CYSLTR2: variants seen among roughly 807,000 people sequenced by gnomAD.
CYSLTR2 encodes cysteinyl leukotriene receptor 2.
For missense variants in CYSLTR2, 398 were observed against 411.9 expected (o/e 0.97, Z 0.29); for synonymous variants, 179 against 160.8 (o/e 1.11, Z -0.86).
chr13:48,703,981 G>C (rs1341960718), intron 4 of CYSLTR2, among the ~76,000 whole-genome samples: 1 of 152,078 alleles, frequency 6.6e-6, no homozygotes, highest in Non-Finnish European at 1.5e-5. Flanking sequence ...AATTAGTCTA[G>C]TTCCTCTAAG....
chr13:48,654,384 T>A (rs1479256260), intron 1 of CYSLTR2, among the ~76,000 whole-genome samples: 3 of 151,902 alleles, frequency 2.0e-5, no homozygotes, highest in Non-Finnish European at 4.4e-5. Context: ...CAAGTTTGTA[T>A]TCATTTCCTC....
At chr13:48,686,416 T>C (rs1953894766) in intron 1 of CYSLTR2, among the ~76,000 whole-genome samples, 1 of 152,140 alleles carries the variant, frequency 6.6e-6, no homozygotes, top group Admixed American at 6.6e-5. Context: ...AGGAATTACA[T>C]ATATTATAAG....
chr13:48,699,049 T>A (rs912422900), intron 4 of CYSLTR2, among the ~76,000 whole-genome samples: 4 of 152,172 alleles, frequency 2.6e-5, no homozygotes, highest in Admixed American at 2.0e-4. Context: ...ACAAAGAGAC[T>A]TAGACTCCCA....
At chr13:48,695,068 ATTTTTT>A (rs869282546) in intron 3 of CYSLTR2, among the ~76,000 whole-genome samples, 1,362 of 71,552 alleles carry the variant, frequency 0.019, 27 homozygotes, top group East Asian at 0.13. Context: ...AGAACCTGGC[ATTTTTT>A]TTTTTTTTTT....
intron 4 of CYSLTR2, among the ~76,000 whole-genome samples, chr13:48,705,363 C>A (rs929332731): frequency 6.6e-6 from 1 of 151,988 alleles, no homozygotes; most frequent in Non-Finnish European, 1.5e-5. Flanking sequence ...AAATATATTC[C>A]ATTCCTCTAT....
intron 1 of CYSLTR2, among the ~76,000 whole-genome samples, chr13:48,658,376 G>A (rs188716040): frequency 4.6e-5 from 7 of 152,154 alleles, no homozygotes; most frequent in Admixed American, 1.3e-4. Context: ...GTTCTTTCCC[G>A]CCCCCCAAAA....
intron 1 of CYSLTR2, among the ~76,000 whole-genome samples, chr13:48,685,237 G>T (rs550601197): frequency 6.6e-6 from 1 of 152,170 alleles, no homozygotes; most frequent in South Asian, 2.1e-4. Context: ...AAGAGAGAAG[G>T]GGGAGGTGCT....
chr13:48,659,522 A>G (rs1237465443), intron 1 of CYSLTR2, among the ~76,000 whole-genome samples: 2 of 152,258 alleles, frequency 1.3e-5, no homozygotes, highest in Non-Finnish European at 2.9e-5. Flanking sequence ...ATTGAATTTA[A>G]TAATGGAATA....
At position 48,672,250 on chromosome 13, in the gene CYSLTR2, T is replaced by G. The variant is rs551273521; in HGVS notation, c.-266+18233T>G. Reference sequence around the variant, plus strand: ...AAAACGCAGCTTTTGAATTCATTTTTTAAAGGGTTTTTTGTGTCTCTATCT... The same window carrying G: ...AAAACGCAGCTTTTGAATTCATTTTGTAAAGGGTTTTTTGTGTCTCTATCT... On this transcript the variant is annotated intron_variant, in intron 1 of 4. Transcript: ENST00000682523. Among the ~76,000 whole-genome samples the G allele has an allele frequency of 1.4e-3, 215 of 152,298 alleles. 2 individuals carry two copies. The highest frequency in any genetic ancestry group is 5.0e-3 in the African/African-American group (208 of 41,576).
In CYSLTR2 at chr13:48,687,530, A is replaced by C. The variant is rs149107764; in HGVS notation, c.-265-3682A>C. On this transcript the variant is annotated intron_variant, in intron 1 of 4. Transcript: ENST00000682523. ...ATCATCTATCAATCATCTATTATCT[A>C]TCAATTATCTATCATCTATCAATTA... 4.4e-3 allele frequency among the ~76,000 whole-genome samples: 668 copies of C among 152,202 alleles called. 3 individuals carry two copies. The highest frequency in any genetic ancestry group is 0.014 in the Middle Eastern group (4 of 294).
At chr13:48,654,304 T>A (rs201181029) in intron 1 of CYSLTR2, among the ~76,000 whole-genome samples, 148 of 46,826 alleles carry the variant, frequency 3.2e-3, no homozygotes, top group Non-Finnish European at 3.8e-3. Flanking sequence ...TGTGTGTGTG[T>A]GAGTGTGTGT....
At chr13:48,700,474 T>G (rs948033700) in intron 4 of CYSLTR2, among the ~76,000 whole-genome samples, 3 of 152,180 alleles carry the variant, frequency 2.0e-5, no homozygotes, top group African/African-American at 7.2e-5. Flanking sequence ...CAACAACCCT[T>G]CATGCTAAAA....
Position 48,708,039 on chromosome 13 carries a change from G to A in CYSLTR2, c.*181G>A. On this transcript the variant is annotated 3_prime_UTR_variant, in exon 5 of 5. Coordinates refer to ENST00000682523, the MANE Select transcript of CYSLTR2 (RefSeq NM_001308476.3). ...TTTATTCAGTGTATTTTCAGTTGTT[G>A]AGTCTTAATGAGGGATACAGGAGGA... 2.0e-6 allele frequency: 1 copy of A among 502,700 alleles called. No homozygotes were observed. The highest frequency in any genetic ancestry group is 3.1e-5 in the East Asian group (1 of 31,898). The allele number at this position is 502,700 out of a possible 1,614,324, so 31.1% of individuals were successfully genotyped here. A position where few individuals can be genotyped will look rare whatever the true frequency, so the allele number is the denominator to read the frequency against.
intron 4 of CYSLTR2, among the ~76,000 whole-genome samples, chr13:48,698,919 C>T (rs971057455): frequency 6.6e-6 from 1 of 152,162 alleles, no homozygotes; most frequent in Non-Finnish European, 1.5e-5. Flanking sequence ...TCAAAAGAGA[C>T]AAAGAAGGCT....
intron 1 of CYSLTR2, among the ~76,000 whole-genome samples, chr13:48,674,262 T>A (rs1953534174): frequency 1.3e-5 from 2 of 152,220 alleles, no homozygotes. Flanking sequence ...GGTACACCAA[T>A]CAGATGTAGG....
chr13:48,697,540 A>G (rs1475384974), intron 4 of CYSLTR2, among the ~76,000 whole-genome samples: 2 of 152,222 alleles, frequency 1.3e-5, no homozygotes, highest in Non-Finnish European at 1.5e-5. Flanking sequence ...AAAGGTAGAT[A>G]AAACCACAAA....
At chr13:48,665,756 A>C (rs1396875240) in intron 1 of CYSLTR2, among the ~76,000 whole-genome samples, 2 of 152,060 alleles carry the variant, frequency 1.3e-5, no homozygotes, top group Non-Finnish European at 2.9e-5. Context: ...TGTTTTTAAA[A>C]TCTATTAGGC....
At chr13:48,685,260 A>ACACTCACGAGAACT (rs71076040) in intron 1 of CYSLTR2, among the ~76,000 whole-genome samples, 1 of 151,524 alleles carries the variant, frequency 6.6e-6, no homozygotes, top group East Asian at 1.9e-4. Context: ...ACACTTTTAA[A>ACACTCACGAGAACT]CACTCACGAG....
intron 2 of CYSLTR2, 146 bp from the exon 3 acceptor site, chr13:48,693,292 T>C (rs1356850211): frequency 2.6e-5 from 4 of 152,054 alleles, no homozygotes; most frequent in Non-Finnish European, 4.4e-5. Context: ...TTGAAGACTC[T>C]GAATCATGCC....
Sources: gnomAD v4.1 joint callset for allele counts (sites outside exome capture counted in the v4.1 genomes callset) on GRCh38, gnomAD v4.1.1 for gene constraint, MANE v1.5 for transcripts, NCBI Gene and HGNC (gene_info 2026-07-23, HGNC 2026-07-21) for gene names.